The following ABHD17C variants were observed in gnomAD, a reference collection of about 807,000 sequenced individuals.
The protein encoded by ABHD17C is alpha/beta hydrolase domain-containing protein 17C.
ABHD17C carries 11 observed loss-of-function variants against 27.9 expected under a neutral mutation model. The ratio of observed to expected loss-of-function variants is 0.39; its 90% CI spans 0.25 to 0.65. The LOEUF is 0.65. Among genes scored for constraint, ABHD17C ranks in the 30% least tolerant of loss-of-function variants. The probability of loss-of-function intolerance (pLI) is 0.45; values close to 1 mark genes in which losing one functional copy is unlikely to be tolerated. For missense variants in ABHD17C, 280 were observed against 470.2 expected (o/e 0.60, Z 3.74); for synonymous variants, 233 against 209.1 (o/e 1.11, Z -0.98).
chr15:80,702,590 C>T (rs8031196), intron 1 of ABHD17C: 48,527 of 152,018 alleles, frequency 0.32, 9,497 homozygotes, highest in Non-Finnish European at 0.45. Context: ...TGCTTCTATT[C>T]CTCACTCTGT....
intron 1 of ABHD17C, among the ~76,000 whole-genome samples, chr15:80,712,762 G>A (rs150200977): frequency 1.4e-4 from 21 of 152,286 alleles, no homozygotes; most frequent in African/African-American, 5.1e-4. Flanking sequence ...TACTTCAAGT[G>A]TCACTTGATA....
intron 1 of ABHD17C, among the ~76,000 whole-genome samples, chr15:80,715,693 T>A (rs185299043): frequency 1.4e-4 from 21 of 152,348 alleles, no homozygotes; most frequent in African/African-American, 4.8e-4. Context: ...TACACTCTCT[T>A]GGTTCCTAAG....
At chr15:80,724,107 G>A (rs1423999844) in intron 1 of ABHD17C, among the ~76,000 whole-genome samples, 1 of 152,058 alleles carries the variant, frequency 6.6e-6, no homozygotes, top group African/African-American at 2.4e-5. Flanking sequence ...GGAGGCTGAG[G>A]TGGGAGGGTT....
In ABHD17C at chr15:80,746,593, C is replaced by T. The variant is rs142160785; in HGVS notation, c.591-2920C>T. ...CTGGGTGTGTCCTAGTGCTGAGAAC[C>T]GAAGGCTAGGAACTGAGAATCCTCA... On this transcript the variant is annotated intron_variant, in intron 1 of 2. Coordinates refer to ENST00000258884, the MANE Select transcript of ABHD17C (RefSeq NM_021214.2). 1.6e-3 allele frequency among the ~76,000 whole-genome samples: 247 copies of T among 152,248 alleles called. 1 individual carries two copies. Among genetic ancestry groups the T allele is most frequent in the African/African-American group, 5.7e-3 (237 of 41,542 alleles).
chr15:80,736,439 G>A (rs541707227), intron 1 of ABHD17C, among the ~76,000 whole-genome samples: 3 of 152,274 alleles, frequency 2.0e-5, no homozygotes, highest in African/African-American at 4.8e-5. Flanking sequence ...CCACATGACC[G>A]AGGGACTGTG....
intron 1 of ABHD17C, among the ~76,000 whole-genome samples, chr15:80,731,589 A>G (rs953169644): frequency 6.6e-6 from 1 of 152,008 alleles, no homozygotes; most frequent in African/African-American, 2.4e-5. Flanking sequence ...TCCACCAGAT[A>G]TGTAAAAGAA....
rs986694010 is a variant in ABHD17C, at chr15:80,696,141, G to A, written c.590+122G>A. On this transcript the variant is annotated intron_variant, in intron 1 of 2. Coordinates refer to ENST00000258884, the MANE Select transcript of ABHD17C (RefSeq NM_021214.2). ...CCCTCCTCCGGGGCTGAGGGCCAGC[G>A]GAGAGCCCCTTGGCCGCCGTAAATT... 10 of 1,058,338 alleles carry A rather than the reference G, an allele frequency of 9.4e-6. No individual in the cohort carries two copies. The East Asian group carries it at 2.6e-4, about 27-fold the overall frequency. The allele number at this position is 1,058,338 out of a possible 1,614,324, so 65.6% of individuals were successfully genotyped here.
At chr15:80,727,273 T>G (rs1285120927) in intron 1 of ABHD17C, among the ~76,000 whole-genome samples, 2 of 152,152 alleles carry the variant, frequency 1.3e-5, no homozygotes, top group Non-Finnish European at 2.9e-5. Context: ...AAGCAGAGAT[T>G]GAGGGCAGTT....
chr15:80,743,039 G>A (rs1895231685), intron 1 of ABHD17C, among the ~76,000 whole-genome samples: 1 of 152,044 alleles, frequency 6.6e-6, no homozygotes, highest in Non-Finnish European at 1.5e-5. Context: ...AAGAGATGGG[G>A]CTGTGGCCTC....
chr15:80,752,834 A>G (rs139574254), intron 2 of ABHD17C, among the ~76,000 whole-genome samples: 23 of 152,318 alleles, frequency 1.5e-4, no homozygotes, highest in African/African-American at 5.5e-4. Context: ...AGCTCAACCA[A>G]TGCTTAAAGT....
At position 80,751,590 on chromosome 15, in the gene ABHD17C, A is replaced by G. The variant is rs192478690; in HGVS notation, c.770+1898A>G. Among the ~76,000 whole-genome samples the G allele has an allele frequency of 3.3e-5, 5 of 152,298 alleles. No individual in the cohort carries two copies. In the East Asian group the frequency reaches 9.6e-4, roughly 29 times the overall value. ...CAAGATCCTGTCACTACAGAAAAAGATTAACAAGTTAGCCAGCCATAGTGG... is the reference window on the plus strand; with the variant it reads ...CAAGATCCTGTCACTACAGAAAAAGGTTAACAAGTTAGCCAGCCATAGTGG... On this transcript the variant is annotated intron_variant, in intron 2 of 2. Transcript: ENST00000258884.
At chr15:80,741,808 A>G (rs920383180) in intron 1 of ABHD17C, among the ~76,000 whole-genome samples, 2 of 152,222 alleles carry the variant, frequency 1.3e-5, no homozygotes, top group Admixed American at 6.5e-5. Flanking sequence ...AATTGTCAGC[A>G]TCGCCTCTCT....
At chr15:80,732,077 C>CT (rs1192118122) in intron 1 of ABHD17C, among the ~76,000 whole-genome samples, 1 of 152,184 alleles carries the variant, frequency 6.6e-6, no homozygotes, top group Non-Finnish European at 1.5e-5. Flanking sequence ...GGACAGACTC[C>CT]TTCCAAATTG....
At chr15:80,700,532 C>T (rs1295984027) in intron 1 of ABHD17C, among the ~76,000 whole-genome samples, 1 of 152,214 alleles carries the variant, frequency 6.6e-6, no homozygotes, top group East Asian at 1.9e-4. Context: ...TAAGACTCTT[C>T]AGTGCCTTTA....
chr15:80,729,709 A>G (rs1895030467), intron 1 of ABHD17C, among the ~76,000 whole-genome samples: 1 of 152,366 alleles, frequency 6.6e-6, no homozygotes, highest in Admixed American at 6.5e-5. Context: ...GGAGCATACT[A>G]GGGCCGAGGA....
chr15:80,751,033 C>T (rs1332122063), intron 2 of ABHD17C, among the ~76,000 whole-genome samples: 8 of 151,814 alleles, frequency 5.3e-5, no homozygotes, highest in Admixed American at 5.2e-4. Flanking sequence ...TTCATGGTCC[C>T]CCTTCATCTT....
At chr15:80,728,229 A>G (rs751816533) in intron 1 of ABHD17C, among the ~76,000 whole-genome samples, 2 of 152,200 alleles carry the variant, frequency 1.3e-5, no homozygotes, top group African/African-American at 4.8e-5. Flanking sequence ...AAGAGCAAGC[A>G]CCTGCTGTTA....
At chr15:80,698,087 C>T (rs1456967267) in intron 1 of ABHD17C, among the ~76,000 whole-genome samples, 2 of 113,114 alleles carry the variant, frequency 1.8e-5, no homozygotes, top group Non-Finnish European at 3.4e-5. Flanking sequence ...TTTTTTGAGA[C>T]GGAGTCTTGC....
chr15:80,732,007 T>G (rs972296551), intron 1 of ABHD17C, among the ~76,000 whole-genome samples: 5 of 152,202 alleles, frequency 3.3e-5, no homozygotes, highest in Non-Finnish European at 5.9e-5. Flanking sequence ...CTGCACTCAT[T>G]GTATGGAATG....
Sources: gnomAD v4.1 joint callset for allele counts (sites outside exome capture counted in the v4.1 genomes callset) on GRCh38, gnomAD v4.1.1 for gene constraint, MANE v1.5 for transcripts, NCBI Gene and HGNC (gene_info 2026-07-23, HGNC 2026-07-21) for gene names.